The following DYNC2H1 variants were observed in gnomAD, a reference collection of about 807,000 sequenced individuals.
DYNC2H1 encodes the protein cytoplasmic dynein 2 heavy chain 1.
A neutral mutation model predicts 570.0 loss-of-function variants in DYNC2H1; 410 were observed. The ratio of observed to expected loss-of-function variants is 0.72; its 90% CI spans 0.66 to 0.78. DYNC2H1 has a LOEUF of 0.78. Ranked by LOEUF, DYNC2H1 falls within the 30% of genes least tolerant of loss-of-function variation. The pLI is 0.00. For synonymous variants in DYNC2H1, 1,688 were observed against 1,677.6 expected, an observed-to-expected ratio of 1.01 and a Z score of -0.15; for missense variants, 4,865 against 5,046.4, an observed-to-expected ratio of 0.96 and a Z score of 1.09.
rs1319616583 is a variant in DYNC2H1 at position 103,156,461 on chromosome 11, G to C, written c.3818G>C (p.Gly1273Ala). Residue 1273 changes from glycine to alanine, a missense_variant, in exon 26 of 89, where the codon GGA becomes GCA. Transcript: ENST00000375735. The stretch of plus-strand genomic sequence containing the variant: ...CGTGAACTTGATCTTTGGGGAGTTG[G>C]AGCAGTGTTTACATTAATTGATTAT... ...ALRELDLWGVGAVFTLIDYED... is the reference protein window; with the variant it reads ...ALRELDLWGVAAVFTLIDYED... The C allele has an allele frequency of 1.2e-6, 2 of 1,613,714 alleles. No individual in the cohort carries two copies. Among genetic ancestry groups the C allele is most frequent in the South Asian group, 1.1e-5 (1 of 91,052 alleles).
chr11:103,133,723 A>C lies in DYNC2H1; in HGVS notation c.2106+16A>C, dbSNP rs1859389813. 6.4e-7 allele frequency: 1 copy of C among 1,557,638 alleles called. No individual in the cohort carries two copies. The highest frequency in any genetic ancestry group is 1.4e-5 in the African/African-American group (1 of 72,676). On this transcript the variant is annotated intron_variant, in intron 14 of 88. Coordinates refer to ENST00000375735, the MANE Select transcript of DYNC2H1 (RefSeq NM_001377.3). The surrounding 1 kb of genome is among the most constrained non-coding windows in gnomAD (Gnocchi z 4.8). ...TTGTGAAAAGGTATATTTTGTTTAT[A>C]AAATTGAATAAGCTATGAATGATAT...
Position 103,286,277 on chromosome 11 carries a change from A to G in DYNC2H1, c.10913A>G (p.Gln3638Arg). Residue 3638 changes from glutamine to arginine, a missense_variant, in exon 74 of 89, where the codon CAG becomes CGG. This residue lies in a region of DYNC2H1 where 2,401 missense variants were observed against 2,454.6 expected (regional missense o/e 0.98). Coordinates refer to ENST00000375735, the MANE Select transcript of DYNC2H1 (RefSeq NM_001377.3). ...TAGATTGCTCTCCCCAGTCTTTATC[A>G]GACCCTCTGCTTTGAAGATGCAGCT... ...TLKIALPSLY[Q>R]TLCFEDAALW... is the part of the protein sequence containing the mutation. 6.2e-7 allele frequency: 1 copy of G among 1,613,730 alleles called. No individual in the cohort carries two copies. Among genetic ancestry groups the G allele is most frequent in the Non-Finnish European group, 8.5e-7 (1 of 1,179,784 alleles).
rs1437320571 is a variant in DYNC2H1 at position 103,203,775 on chromosome 11, T to C, written c.8310T>C (p.Tyr2770=). The change falls in exon 51 of 89, where the codon TAT becomes TAC. Residue 2770 remains tyrosine, a splice_region_variant and synonymous_variant. Coordinates refer to ENST00000375735, the MANE Select transcript of DYNC2H1 (RefSeq NM_001377.3). The surrounding 1 kb of genome is among the most constrained non-coding windows in gnomAD (Gnocchi z 4.7). ...GACCAGTCTTCAATTACTTCACATATAGTAAGTGACATAGAATTCATTAAT... is the reference window on the plus strand; with the variant it reads ...GACCAGTCTTCAATTACTTCACATACAGTAAGTGACATAGAATTCATTAAT... The part of the protein sequence containing the change: ...FFGPVFNYFT[Y]RIQQNLHIVL... The C allele has an allele frequency of 1.3e-6, 2 of 1,575,280 alleles. No homozygotes were observed. The highest frequency in any genetic ancestry group is 1.4e-5 in the African/African-American group (1 of 73,764).
At chr11:103,390,181 C>T (rs1942077165) in intron 83 of DYNC2H1, among the ~76,000 whole-genome samples, 1 of 152,096 alleles carries the variant, frequency 6.6e-6, no homozygotes, top group African/African-American at 2.4e-5. Flanking sequence ...CTGGGTGCTG[C>T]TGTATTGGGT....
chr11:103,319,165 A>T lies in DYNC2H1; in HGVS notation c.11726-1864A>T, dbSNP rs1345323973. Among the ~76,000 whole-genome samples the T allele has an allele frequency of 2.6e-5, 4 of 152,180 alleles. No homozygotes were observed. Among genetic ancestry groups the T allele is most frequent in the Non-Finnish European group, 4.4e-5 (3 of 68,002 alleles). ...TCATTGTGTTTCACGTTTGTGATAGAATTAATTAATAGCATTGTAAGACAT... is the reference window on the plus strand; with the variant it reads ...TCATTGTGTTTCACGTTTGTGATAGTATTAATTAATAGCATTGTAAGACAT... On this transcript the variant is annotated intron_variant, in intron 80 of 88. Transcript: ENST00000375735. The surrounding 1 kb of genome is among the most constrained non-coding windows in gnomAD (Gnocchi z 4.3).
intron 88 of DYNC2H1, among the ~76,000 whole-genome samples, chr11:103,469,106 A>G (rs909482080): frequency 6.6e-6 from 1 of 152,194 alleles, no homozygotes; most frequent in African/African-American, 2.4e-5. Flanking sequence ...TCAAATGAGG[A>G]AACGTGCTCA....
chr11:103,273,596 A>G (rs1182127059), intron 70 of DYNC2H1, among the ~76,000 whole-genome samples: 2 of 152,074 alleles, frequency 1.3e-5, no homozygotes, highest in Admixed American at 6.5e-5. Context: ...TGTTTTTAGT[A>G]TTATTCTTGA....
At chr11:103,200,002 A>G in intron 49 of DYNC2H1, 44 bp from the exon 50 acceptor site, 1 of 1,330,208 alleles carries the variant, frequency 7.5e-7, no homozygotes, top group Non-Finnish European at 1.1e-6. Flanking sequence ...TAACTGTACC[A>G]AAAATACTTA....
chr11:103,191,790 G>T (rs1862325690), intron 46 of DYNC2H1, among the ~76,000 whole-genome samples, 171 bp downstream of exon 46: 1 of 151,660 alleles, frequency 6.6e-6, no homozygotes, highest in South Asian at 2.1e-4. Context: ...GTGTATGATT[G>T]TCACTATTAA....
At chr11:103,474,876 C>A (rs1945505426) in intron 88 of DYNC2H1, among the ~76,000 whole-genome samples, 1 of 152,056 alleles carries the variant, frequency 6.6e-6, no homozygotes, top group Admixed American at 6.5e-5. Flanking sequence ...ACTACTGAGT[C>A]ACCATTTTGC....
intron 83 of DYNC2H1, among the ~76,000 whole-genome samples, chr11:103,382,968 C>T (rs12420792): frequency 0.18 from 27,757 of 152,144 alleles, 2,726 homozygotes; most frequent in Admixed American, 0.26. Context: ...GAAGCAGCTA[C>T]CTCCCCTAGA....
Position 103,187,380 on chromosome 11 carries a change from C to G in DYNC2H1, c.6934C>G (p.Gln2312Glu). Residue 2312 changes from glutamine (Q) to glutamate (E), a missense_variant, in exon 43 of 89, where the codon CAA becomes GAA. By Grantham distance (29) the Gln-to-Glu change is conservative. This residue lies in a region of DYNC2H1 where 2,401 missense variants were observed against 2,454.6 expected (regional missense o/e 0.98). Transcript: ENST00000375735. ...RYAFSQLRSTQIATVHCSAQT... is the reference protein window; with the variant it reads ...RYAFSQLRSTEIATVHCSAQT... ...CGCATTTTCACAACTCCGGTCCACT[C>G]AAATTGCTACAGTTCACTGTAGTGC... 6.2e-7 allele frequency: 1 copy of G among 1,613,162 alleles called. No individual in the cohort carries two copies. The highest frequency in any genetic ancestry group is 8.5e-7 in the Non-Finnish European group (1 of 1,179,374).
chr11:103,430,670 C>T (rs896336234), intron 84 of DYNC2H1, among the ~76,000 whole-genome samples: 2 of 152,064 alleles, frequency 1.3e-5, no homozygotes, highest in Admixed American at 1.3e-4. Context: ...TTTATGATGT[C>T]ATCCTTAAGT....
At chr11:103,329,760 G>A (rs1938682660) in intron 82 of DYNC2H1, among the ~76,000 whole-genome samples, 1 of 152,060 alleles carries the variant, frequency 6.6e-6, no homozygotes, top group East Asian at 1.9e-4. Flanking sequence ...AGTGTCCTTG[G>A]TACTTTCTAT....
At position 103,304,636 on chromosome 11, in the gene DYNC2H1, G is replaced by A; in HGVS notation, c.11298G>A (p.Met3766Ile). The A allele has an allele frequency of 6.2e-7, 1 of 1,613,318 alleles. No homozygotes were observed. The highest frequency in any genetic ancestry group is 8.5e-7 in the Non-Finnish European group (1 of 1,179,504). Residue 3766 changes from methionine (M) to isoleucine (I), a missense_variant, in exon 77 of 89, where the codon ATG becomes ATA. Met to Ile is a conservative substitution (Grantham distance 10). Coordinates refer to ENST00000375735, the MANE Select transcript of DYNC2H1 (RefSeq NM_001377.3). The part of the protein sequence containing the change: ...GQGQADLAIQ[M>I]LKECARNGDW... ...GTCAAGCTGATTTAGCAATTCAAATGCTAAAAGAATGTGCCCGCAATGGAG... is the reference window on the plus strand; with the variant it reads ...GTCAAGCTGATTTAGCAATTCAAATACTAAAAGAATGTGCCCGCAATGGAG...
chr11:103,125,346 A>G, intron 12 of DYNC2H1, 51 bp downstream of exon 12: 1 of 1,348,406 alleles, frequency 7.4e-7, no homozygotes, highest in Non-Finnish European at 1.0e-6. Flanking sequence ...TCATTACGTT[A>G]AACTAGAATA....
At chr11:103,453,855 ATAATT>A (rs1387308386) in intron 85 of DYNC2H1, among the ~76,000 whole-genome samples, 1 of 151,882 alleles carries the variant, frequency 6.6e-6, no homozygotes, top group African/African-American at 2.4e-5. Flanking sequence ...AAATTAGCAG[ATAATT>A]TAATAAAAAT....
At chr11:103,286,212 A>G (rs1392887601) in intron 73 of DYNC2H1, 43 bp from the exon 74 acceptor site, 2 of 1,595,442 alleles carry the variant, frequency 1.3e-6, no homozygotes, top group East Asian at 4.5e-5. Flanking sequence ...ATGTGCTTAT[A>G]TTTGCTTATA....
chr11:103,266,010 A>G lies in DYNC2H1; in HGVS notation c.10695+6033A>G, dbSNP rs370936542. Among the ~76,000 whole-genome samples, 58 of 121,676 alleles carry G rather than the reference A, an allele frequency of 4.8e-4. 1 individual carries two copies. In the East Asian group the frequency reaches 0.014, roughly 29 times the overall value. 79.8% of individuals were successfully genotyped at this position (121,676 alleles called of 152,430 possible). ...GGACTCATATTGGGCCCCAACTTTGATCTCTGGCTCCTTGGGGTTAGGAAT... is the reference window on the plus strand; with the variant it reads ...GGACTCATATTGGGCCCCAACTTTGGTCTCTGGCTCCTTGGGGTTAGGAAT... On this transcript the variant is annotated intron_variant, in intron 70 of 88. Coordinates refer to ENST00000375735, the MANE Select transcript of DYNC2H1 (RefSeq NM_001377.3).
Sources: gnomAD v4.1 joint callset for allele counts (sites outside exome capture counted in the v4.1 genomes callset) on GRCh38, gnomAD v4.1.1 for gene constraint, gnomAD v4.1.1 regional missense constraint, Gnocchi (gnomAD v3.1) non-coding constraint, MANE v1.5 for transcripts, NCBI Gene and HGNC (gene_info 2026-07-23, HGNC 2026-07-21) for gene names.